The following OR10H1 variants were observed in gnomAD, a reference collection of about 807,000 sequenced individuals.
The protein encoded by OR10H1 is olfactory receptor 10H1.
Under a neutral mutation model 13.1 loss-of-function variants are expected in OR10H1, and 12 were observed. That is an observed-to-expected ratio of 0.92 (90% CI 0.59 to 1.48). The LOEUF (loss-of-function observed/expected upper bound fraction) is 1.48, where lower values mean the gene tolerates loss of function less well. Among genes scored for constraint, OR10H1 ranks in the 40% most tolerant of loss-of-function variants. OR10H1 has a pLI of 0.00. For missense variants in OR10H1, 363 were observed against 413.1 expected (o/e 0.88, Z 1.05); for synonymous variants, 168 against 175.6 (o/e 0.96, Z 0.34).
intron 1 of OR10H1, among the ~76,000 whole-genome samples, chr19:15,813,656 A>T (rs1254412521): frequency 6.9e-6 from 1 of 145,792 alleles, no homozygotes; most frequent in Non-Finnish European, 1.5e-5. Flanking sequence ...AGAAGTGGGG[A>T]GATAGAGAGT....
rs1218363495 is a variant in OR10H1 at position 15,812,568 on chromosome 19, GAGGA to G, written c.-471_-468del. 2.1e-5 allele frequency: 3 copies of G among 146,022 alleles called. No individual in the cohort carries two copies. The highest frequency in any genetic ancestry group is 7.6e-5 in the African/African-American group (3 of 39,486). The allele number at this position is 146,022 out of a possible 1,614,324, so 9.0% of individuals were successfully genotyped here. On this transcript the variant is annotated 5_prime_UTR_variant, in exon 2 of 4. It introduces an in-frame stop codon into an upstream open reading frame of the 5' UTR. Coordinates refer to ENST00000641419, the MANE Select transcript of OR10H1 (RefSeq NM_013940.4). ...GAGTGAGGGAGGAAAGGAGGAGAGT[GAGGA>G]AGGAAGAAAGGAGGGAGGGAGGCAG...
rs1228841121 is a variant in OR10H1 at position 15,806,938 on chromosome 19, G to A, written c.*143C>T. ...GATGGGGTTTCGCCATGTTAGCCATGCTGGTCTCAAACTCCTGACCTCAGG... is the reference window on the plus strand; with the variant it reads ...GATGGGGTTTCGCCATGTTAGCCATACTGGTCTCAAACTCCTGACCTCAGG... On this transcript the variant is annotated 3_prime_UTR_variant, in exon 4 of 4. Transcript: ENST00000641419. The A allele has an allele frequency of 1.3e-6, 1 of 744,256 alleles. No individual in the cohort carries two copies. Among genetic ancestry groups the A allele is most frequent in the East Asian group, 2.5e-5 (1 of 40,238 alleles). 46.1% of individuals were successfully genotyped at this position (744,256 alleles called of 1,614,324 possible).
At position 15,807,279 on chromosome 19, in the gene OR10H1, A is replaced by G; in HGVS notation, c.759T>C (p.Tyr253=). ...ASHLTVVVVH[Y]GFASVIYLKP... ...TCAGGTAAATGACGGAGGCAAAGCC[A>G]TAGTGCACGACCACCACAGTGAGGT... Residue 253 remains tyrosine, a synonymous_variant, in exon 4 of 4, where the codon TAT becomes TAC. Transcript: ENST00000641419. 1 of 1,614,200 alleles carries G rather than the reference A, an allele frequency of 6.2e-7. No individual in the cohort carries two copies. Among genetic ancestry groups the G allele is most frequent in the Non-Finnish European group, 8.5e-7 (1 of 1,180,030 alleles).
Position 15,807,040 on chromosome 19 carries a change from G to A in OR10H1, c.*41C>T. On this transcript the variant is annotated 3_prime_UTR_variant, in exon 4 of 4. Transcript: ENST00000641419. ...CCACGGAACGTAATTTTTAACAATA[G>A]CCTTCGGTAATCCAATTTAGTTGTT... is the stretch of plus-strand genomic sequence containing the variant. The A allele has an allele frequency of 6.4e-7, 1 of 1,560,570 alleles. No individual in the cohort carries two copies. Among genetic ancestry groups the A allele is most frequent in the African/African-American group, 1.4e-5 (1 of 73,464 alleles).
chr19:15,808,187 A>C (rs2088914270), intron 3 of OR10H1, 139 bp from the exon 4 acceptor site: 1 of 682,394 alleles, frequency 1.5e-6, no homozygotes, highest in Admixed American at 2.9e-5. Context: ...CCTATAATTT[A>C]ATACTCTCGT....
At position 15,813,494 on chromosome 19, in the gene OR10H1, G is replaced by C. The variant is rs531253229; in HGVS notation, c.-777-616C>G. Among the ~76,000 whole-genome samples the C allele has an allele frequency of 4.0e-5, 6 of 149,534 alleles. No individual in the cohort carries two copies. In the South Asian group the frequency reaches 1.3e-3, roughly 32 times the overall value. ...AGGGGAAGAGAGAGAGAGAGAGAGAGAGAGAGGAGGCGAGGGAGAAACAGA... is the reference window on the plus strand; with the variant it reads ...AGGGGAAGAGAGAGAGAGAGAGAGACAGAGAGGAGGCGAGGGAGAAACAGA... On this transcript the variant is annotated intron_variant, in intron 1 of 3. Transcript: ENST00000641419.
intron 2 of OR10H1, among the ~76,000 whole-genome samples, chr19:15,811,346 T>C (rs2088931613): frequency 6.6e-6 from 1 of 152,156 alleles, no homozygotes; most frequent in South Asian, 2.1e-4. Flanking sequence ...CCCCAGTGCC[T>C]AAGGCAGGGT....
chr19:15,811,894 T>C (rs937039512), intron 2 of OR10H1, among the ~76,000 whole-genome samples: 2 of 152,206 alleles, frequency 1.3e-5, no homozygotes, highest in Non-Finnish European at 2.9e-5. Flanking sequence ...TGTCTATCCC[T>C]GGAACCTGAT....
chr19:15,813,636 A>G (rs2088947272), intron 1 of OR10H1, among the ~76,000 whole-genome samples: 2 of 140,118 alleles, frequency 1.4e-5, no homozygotes, highest in South Asian at 2.4e-4. Context: ...AGAGAGATGG[A>G]GGGAGAGAGA....
rs756902983 is a variant in OR10H1, at chr19:15,807,331, T to C, written c.707A>G (p.Asn236Ser). The change falls in exon 4 of 4, where the codon AAC becomes AGC. Residue 236 changes from asparagine (N) to serine (S), a missense_variant. Around this residue, in one of 3 missense-constraint regions of OR10H1, gnomAD observed 318 missense variants for 366.6 expected, o/e 0.87. Coordinates refer to ENST00000641419, the MANE Select transcript of OR10H1 (RefSeq NM_013940.4). ...AGAGGCACAGGTGGAGAAGGCCTTG[T>C]TCCGACCTTCAGCAGAAGGGATCTT... Reference protein sequence around the residue: ...ILKIPSAEGRNKAFSTCASHL... With the variant: ...ILKIPSAEGRSKAFSTCASHL... 9.3e-6 allele frequency: 15 copies of C among 1,613,774 alleles called. No homozygotes were observed. Among genetic ancestry groups the C allele is most frequent in the Non-Finnish European group, 1.3e-5 (15 of 1,179,832 alleles).
intron 1 of OR10H1, among the ~76,000 whole-genome samples, chr19:15,814,980 TTC>T (rs1254905712): frequency 6.6e-6 from 1 of 152,166 alleles, no homozygotes; most frequent in Admixed American, 6.5e-5. Flanking sequence ...ATTGGCTGTC[TTC>T]TCTCTGCACC....
chr19:15,804,949 C>G lies in OR10H1; in HGVS notation c.*2132G>C, dbSNP rs1450299592. The G allele has an allele frequency of 3.3e-5, 5 of 152,170 alleles. No homozygotes were observed. The highest frequency in any genetic ancestry group is 1.2e-4 in the African/African-American group (5 of 41,452). 9.4% of individuals were successfully genotyped at this position (152,170 alleles called of 1,614,324 possible). A position where few individuals can be genotyped will look rare whatever the true frequency, so the allele number is the denominator to read the frequency against. ...TGAGATGATATCTCATTGTGGTTTC[C>G]ATTTGCATTTCTCTGATGGCCAGTG... On this transcript the variant is annotated 3_prime_UTR_variant, in exon 4 of 4. Transcript: ENST00000641419.
chr19:15,808,260 T>C, intron 3 of OR10H1: 1 of 554,824 alleles, frequency 1.8e-6, no homozygotes, highest in South Asian at 2.6e-5. Context: ...GCATAGTCAT[T>C]GAGAATATTG....
chr19:15,806,983 T>A lies in OR10H1; in HGVS notation c.*98A>T, dbSNP rs2088898858. The A allele has an allele frequency of 8.4e-7, 1 of 1,188,386 alleles. No individual in the cohort carries two copies. Among genetic ancestry groups the A allele is most frequent in the Non-Finnish European group, 1.2e-6 (1 of 833,580 alleles). 73.6% of individuals were successfully genotyped at this position (1,188,386 alleles called of 1,614,324 possible). A position where few individuals can be genotyped will look rare whatever the true frequency, so the allele number is the denominator to read the frequency against. On this transcript the variant is annotated 3_prime_UTR_variant, in exon 4 of 4. Coordinates refer to ENST00000641419, the MANE Select transcript of OR10H1 (RefSeq NM_013940.4). ...CTCAGGTGATCCGCCTGCCTCGGCC[T>A]CCCAAAGTGCTGGGATTACAGGCAT...
At chr19:15,811,000 C>CT (rs34830991) in intron 2 of OR10H1, among the ~76,000 whole-genome samples, 1 of 152,040 alleles carries the variant, frequency 6.6e-6, no homozygotes, top group Admixed American at 6.6e-5. Flanking sequence ...GTTCACTTCC[C>CT]TTTAAGTGGG....
chr19:15,814,810 T>A (rs1162957517), intron 1 of OR10H1, among the ~76,000 whole-genome samples: 1 of 152,116 alleles, frequency 6.6e-6, no homozygotes, highest in Non-Finnish European at 1.5e-5. Context: ...CGGCCCACCC[T>A]GATTCTTTAC....
At chr19:15,810,547 G>A (rs1034427064) in intron 2 of OR10H1, among the ~76,000 whole-genome samples, 5 of 151,902 alleles carry the variant, frequency 3.3e-5, no homozygotes, top group African/African-American at 7.3e-5. Flanking sequence ...ATGAATATGC[G>A]TCATCTTTTC....
chr19:15,808,219 AT>A lies in OR10H1; in HGVS notation c.-11-172del, dbSNP rs2088914488. ...TCGTCAACCTAGTGAGAACGGTACT[AT>A]TTTTTCAACCCCCTTTTGAAGTACC... On this transcript the variant is annotated intron_variant, in intron 3 of 3. Coordinates refer to ENST00000641419, the MANE Select transcript of OR10H1 (RefSeq NM_013940.4). The A allele has an allele frequency of 2.1e-5, 13 of 609,184 alleles. 1 individual carries two copies. In the South Asian group the frequency reaches 2.4e-4, roughly 11 times the overall value. 37.7% of individuals were successfully genotyped at this position (609,184 alleles called of 1,614,324 possible).
Position 15,805,686 on chromosome 19 carries a change from G to C in OR10H1, c.*1395C>G, listed in dbSNP as rs897290155. On this transcript the variant is annotated 3_prime_UTR_variant, in exon 4 of 4. Coordinates refer to ENST00000641419, the MANE Select transcript of OR10H1 (RefSeq NM_013940.4). ...TGCTCTTGAACTCCTGACCTCAGGG[G>C]ATCCACCCACCTTGGCCTCCCAAAG... is the stretch of plus-strand genomic sequence containing the variant. 1 of 152,134 alleles carries C rather than the reference G, an allele frequency of 6.6e-6. No individual in the cohort carries two copies. Among genetic ancestry groups the C allele is most frequent in the African/African-American group, 2.4e-5 (1 of 41,368 alleles). The allele number at this position is 152,134 out of a possible 1,614,324, so 9.4% of individuals were successfully genotyped here.
Sources: allele counts gnomAD v4.1 joint callset (sites outside exome capture counted in the v4.1 genomes callset), GRCh38; gene constraint gnomAD v4.1.1; regional missense constraint gnomAD v4.1.1; transcripts MANE v1.5; gene names NCBI Gene and HGNC (gene_info 2026-07-23, HGNC 2026-07-21).